The following DLC1 variants were observed in gnomAD, a reference collection of about 807,000 sequenced individuals.
The protein encoded by DLC1 is rho GTPase-activating protein 7.
Under a neutral mutation model 140.3 loss-of-function variants are expected in DLC1, and 54 were observed. The observed-to-expected ratio is 0.38, with a 90% confidence interval of 0.31 to 0.48. The LOEUF is 0.48. Among genes scored for constraint, DLC1 ranks in the 20% least tolerant of loss-of-function variants. The probability of loss-of-function intolerance (pLI) is 0.96; values close to 1 mark genes in which losing one functional copy is unlikely to be tolerated. For synonymous variants in DLC1, 986 were observed against 728.1 expected (o/e 1.35, Z -5.70); for missense variants, 2,536 against 1,907.0 (o/e 1.33, Z -6.14).
At chr8:13,582,068 C>T (rs1805120465) in intron 1 of DLC1, among the ~76,000 whole-genome samples, 2 of 152,078 alleles carry the variant, frequency 1.3e-5, no homozygotes, top group Admixed American at 1.3e-4. Context: ...AAACAAAGTC[C>T]ACTCTCCCTA....
At chr8:13,525,335 T>C (rs1431310723) in intron 1 of DLC1, among the ~76,000 whole-genome samples, 2 of 152,230 alleles carry the variant, frequency 1.3e-5, no homozygotes, top group African/African-American at 2.4e-5. Context: ...GTATACATTC[T>C]TTAATTTCCT....
At chr8:13,442,131 T>C (rs1798541839) in intron 2 of DLC1, among the ~76,000 whole-genome samples, 2 of 152,206 alleles carry the variant, frequency 1.3e-5, no homozygotes, top group Admixed American at 1.3e-4. Context: ...TAAATGGTGC[T>C]GGGAAAACTG....
At chr8:13,569,766 G>A (rs960226651) in intron 1 of DLC1, among the ~76,000 whole-genome samples, 2 of 152,172 alleles carry the variant, frequency 1.3e-5, no homozygotes, top group Admixed American at 1.3e-4. Context: ...CTATCACCCA[G>A]GCTGGAATGC....
intron 2 of DLC1, among the ~76,000 whole-genome samples, chr8:13,420,825 T>A (rs565434199): frequency 1.1e-4 from 17 of 152,266 alleles, no homozygotes; most frequent in African/African-American, 3.8e-4. Context: ...CTCCATATAA[T>A]AAATGGAGTG....
At chr8:13,182,663 C>G (rs1046187161) in intron 5 of DLC1, among the ~76,000 whole-genome samples, 3 of 152,122 alleles carry the variant, frequency 2.0e-5, no homozygotes, top group Non-Finnish European at 4.4e-5. Context: ...GGCCTCTGTT[C>G]TGTTCCATTG....
intron 1 of DLC1, among the ~76,000 whole-genome samples, chr8:13,570,743 T>A (rs1804623894): frequency 6.6e-6 from 1 of 152,156 alleles, no homozygotes. Flanking sequence ...TCACCTGGCA[T>A]ACTCTCCCGC....
intron 4 of DLC1, among the ~76,000 whole-genome samples, chr8:13,309,637 A>AT (rs1171634887): frequency 6.6e-6 from 1 of 152,124 alleles, no homozygotes; most frequent in Non-Finnish European, 1.5e-5. Context: ...GGAAATGCTG[A>AT]TTTTGACATG....
At chr8:13,422,397 G>A (rs1838356508) in intron 2 of DLC1, among the ~76,000 whole-genome samples, 1 of 150,706 alleles carries the variant, frequency 6.6e-6, no homozygotes, top group Non-Finnish European at 1.5e-5. Flanking sequence ...GGAATTCAGA[G>A]ATTGCTTTTT....
chr8:13,240,393 T>C (rs1043987698), intron 5 of DLC1, among the ~76,000 whole-genome samples: 1 of 152,216 alleles, frequency 6.6e-6, no homozygotes, highest in African/African-American at 2.4e-5. Context: ...AGAAAAAGAA[T>C]GCAACCATCA....
chr8:13,498,987 C>T (rs769292279), intron 2 of DLC1, 62 bp downstream of exon 2: 66 of 1,502,702 alleles, frequency 4.4e-5, no homozygotes, highest in Non-Finnish European at 5.5e-5. Flanking sequence ...AAAATGATAA[C>T]TGATAAATCC....
At chr8:13,250,074 G>T (rs1489221349) in intron 5 of DLC1, among the ~76,000 whole-genome samples, 2 of 152,202 alleles carry the variant, frequency 1.3e-5, no homozygotes, top group Non-Finnish European at 2.9e-5. Context: ...TCAGGGCGTG[G>T]AATGGATTGC....
intron 5 of DLC1, among the ~76,000 whole-genome samples, chr8:13,185,281 CTGTTTTTTT>C (rs1274556690): frequency 2.7e-5 from 2 of 73,500 alleles, no homozygotes; most frequent in Non-Finnish European, 5.9e-5. Flanking sequence ...TGTGTCTTTT[CTGTTTTTTT>C]TGTTTGTTTG....
At chr8:13,185,647 T>C (rs1200958187) in intron 5 of DLC1, among the ~76,000 whole-genome samples, 1 of 152,134 alleles carries the variant, frequency 6.6e-6, no homozygotes, top group African/African-American at 2.4e-5. Context: ...CCCATTTACA[T>C]TTAAGGTTAA....
intron 1 of DLC1, among the ~76,000 whole-genome samples, chr8:13,598,272 T>C (rs936757784): frequency 3.3e-5 from 5 of 152,142 alleles, no homozygotes; most frequent in Non-Finnish European, 5.9e-5. Flanking sequence ...GAGTAGCATC[T>C]AGTGCTTGCT....
intron 5 of DLC1, among the ~76,000 whole-genome samples, chr8:13,175,354 G>T (rs1825703790): frequency 1.5e-5 from 2 of 130,686 alleles, no homozygotes; most frequent in Admixed American, 7.8e-5. Flanking sequence ...GCTCGTTTTT[G>T]GTTTGATATG....
intron 1 of DLC1, among the ~76,000 whole-genome samples, chr8:13,600,556 C>T (rs1805841909): frequency 6.6e-6 from 1 of 151,932 alleles, no homozygotes; most frequent in South Asian, 2.1e-4. Flanking sequence ...TCACCCAAAT[C>T]ACAATGTGGT....
At chr8:13,519,453 CT>C (rs1802699657), upstream of DLC1, among the ~76,000 whole-genome samples, 1 of 152,042 alleles carries the variant, frequency 6.6e-6, no homozygotes, top group Admixed American at 6.6e-5. Context: ...AATAAGTTCA[CT>C]TTTGTAGACA....
chr8:13,583,468 G>A (rs1805188960), intron 1 of DLC1, among the ~76,000 whole-genome samples: 1 of 152,080 alleles, frequency 6.6e-6, no homozygotes, highest in Non-Finnish European at 1.5e-5. Flanking sequence ...TATAATTCTA[G>A]TTCTCTTGCT....
chr8:13,158,854 G>C (rs1262302100), intron 5 of DLC1, among the ~76,000 whole-genome samples: 1 of 151,418 alleles, frequency 6.6e-6, no homozygotes, highest in Non-Finnish European at 1.5e-5. Context: ...TTATGACAGA[G>C]AGAAACAAAT....
Sources: gnomAD v4.1 joint callset for allele counts (sites outside exome capture counted in the v4.1 genomes callset) on GRCh38, gnomAD v4.1.1 for gene constraint, MANE v1.5 for transcripts, NCBI Gene and HGNC (gene_info 2026-07-23, HGNC 2026-07-21) for gene names.